Variants in MBNL2 observed in about 807,000 individuals in gnomAD.
The protein encoded by MBNL2 is muscleblind like splicing regulator 2, also known as muscleblind-like protein 2.
In MBNL2, 17 loss-of-function variants were observed where a neutral mutation model predicts 41.9. That is an observed-to-expected ratio of 0.41 (90% CI 0.28 to 0.61). The LOEUF (loss-of-function observed/expected upper bound fraction) is 0.61, where lower values mean the gene tolerates loss of function less well. Among genes scored for constraint, MBNL2 ranks in the 20% least tolerant of loss-of-function variants. The pLI, the probability that MBNL2 is intolerant of heterozygous loss-of-function variation, is 0.35. For synonymous variants in MBNL2, 195 were observed against 182.9 expected (o/e 1.07, Z -0.53); for missense variants, 336 against 505.6 (o/e 0.66, Z 3.22).
At chr13:97,152,750 G>A in the MBNL2 span, among the ~76,000 whole-genome samples, 1 of 152,068 alleles carries the variant, frequency 6.6e-6, no homozygotes, top group African/African-American at 2.4e-5. Context: ...AATTTTTCTT[G>A]CACCTTTCTT....
At chr13:97,390,362 G>A (rs1272655366) in intron 8 of MBNL2, among the ~76,000 whole-genome samples, 3 of 152,152 alleles carry the variant, frequency 2.0e-5, no homozygotes, top group Non-Finnish European at 2.9e-5. Context: ...CTTTTGTTGG[G>A]AATTGAATCC....
the MBNL2 span, among the ~76,000 whole-genome samples, chr13:97,144,485 A>G: frequency 7.4e-6 from 1 of 135,970 alleles, no homozygotes; most frequent in Non-Finnish European, 1.5e-5. Context: ...GCTGGAGTGC[A>G]ATTGTGTAAT....
the MBNL2 span, among the ~76,000 whole-genome samples, chr13:97,150,989 A>T: frequency 2.6e-4 from 40 of 152,296 alleles, 1 homozygote; most frequent in East Asian, 7.7e-3. Flanking sequence ...TTTCAAGGTC[A>T]ATCTTGAAAC....
intron 8 of MBNL2, among the ~76,000 whole-genome samples, chr13:97,383,841 C>T (rs2065698576): frequency 6.6e-6 from 1 of 152,070 alleles, no homozygotes; most frequent in Non-Finnish European, 1.5e-5. Context: ...AATAATGAAT[C>T]AGACTATTTT....
chr13:97,347,086 C>A lies in MBNL2; in HGVS notation c.804+19C>A. On this transcript the variant is annotated intron_variant, in intron 5 of 8. Transcript: ENST00000679496. ...AGTCATGGTAAGTGCGGCCGCCCGC[C>A]GCCCCTGCACCCCGGCGCCTCTGCG... 1.3e-6 allele frequency: 2 copies of A among 1,514,942 alleles called. No individual in the cohort carries two copies. Among genetic ancestry groups the A allele is most frequent in the Non-Finnish European group, 1.8e-6 (2 of 1,133,792 alleles). 93.8% of individuals were successfully genotyped at this position (1,514,942 alleles called of 1,614,324 possible). A position where few individuals can be genotyped will look rare whatever the true frequency, so the allele number is the denominator to read the frequency against.
the MBNL2 span, among the ~76,000 whole-genome samples, chr13:97,194,836 C>G: frequency 1.3e-5 from 2 of 152,150 alleles, no homozygotes; most frequent in East Asian, 1.9e-4. Context: ...CATGGCAATG[C>G]CCGGAAGTTA....
At chr13:97,338,060 T>G (rs1165175199) in intron 3 of MBNL2, among the ~76,000 whole-genome samples, 1 of 152,218 alleles carries the variant, frequency 6.6e-6, no homozygotes. Context: ...ACCAGAGGAA[T>G]CTTTTTAAAA....
At chr13:97,200,927 T>C in the MBNL2 span, among the ~76,000 whole-genome samples, 1 of 152,168 alleles carries the variant, frequency 6.6e-6, no homozygotes, top group Admixed American at 6.5e-5. Flanking sequence ...ATGACTTATT[T>C]CCTTTAAAAC....
intron 8 of MBNL2, among the ~76,000 whole-genome samples, chr13:97,383,082 T>C (rs1019880144): frequency 2.0e-5 from 3 of 152,182 alleles, no homozygotes; most frequent in African/African-American, 7.2e-5. Flanking sequence ...ATTTATATCA[T>C]ATAGGAGAAG....
intron 2 of MBNL2, among the ~76,000 whole-genome samples, chr13:97,324,933 C>T (rs527868517): frequency 4.7e-4 from 72 of 152,234 alleles, no homozygotes; most frequent in African/African-American, 1.6e-3. Context: ...TGCTGGCAGC[C>T]GATTAGATGG....
At chr13:97,348,096 T>TTTTA (rs1209408137) in intron 5 of MBNL2, among the ~76,000 whole-genome samples, 4 of 137,472 alleles carry the variant, frequency 2.9e-5, no homozygotes, top group African/African-American at 8.9e-5. Flanking sequence ...TTTTTTTTTT[T>TTTTA]AAGACAAGGT....
At chr13:97,314,303 T>A (rs2058852986) in intron 2 of MBNL2, among the ~76,000 whole-genome samples, 1 of 151,972 alleles carries the variant, frequency 6.6e-6, no homozygotes, top group African/African-American at 2.4e-5. Flanking sequence ...CCCTTTGAGA[T>A]CTTCTTTGTT....
At chr13:97,144,421 TTC>T in the MBNL2 span, among the ~76,000 whole-genome samples, 1 of 95,224 alleles carries the variant, frequency 1.1e-5, no homozygotes, top group African/African-American at 3.7e-5. Context: ...GACATGATAC[TTC>T]TTTTTTTTTT....
chr13:97,378,207 C>A (rs979987180), intron 8 of MBNL2, among the ~76,000 whole-genome samples: 1 of 152,148 alleles, frequency 6.6e-6, no homozygotes, highest in Non-Finnish European at 1.5e-5. Flanking sequence ...TGTAATAACA[C>A]TGGCATTTAT....
intron 8 of MBNL2, among the ~76,000 whole-genome samples, chr13:97,384,289 ATTAC>A (rs2065749149): frequency 6.6e-6 from 1 of 152,344 alleles, no homozygotes; most frequent in Admixed American, 6.5e-5. Flanking sequence ...AATTGCTTTA[ATTAC>A]TTTTTTATCT....
At chr13:97,283,797 T>C (rs1172342194) in intron 2 of MBNL2, among the ~76,000 whole-genome samples, 3 of 152,144 alleles carry the variant, frequency 2.0e-5, no homozygotes, top group African/African-American at 7.2e-5. Context: ...ATACCCAAGA[T>C]ATTCTGTGCT....
At chr13:97,278,977 CA>C (rs1312148224) in intron 2 of MBNL2, among the ~76,000 whole-genome samples, 1 of 152,154 alleles carries the variant, frequency 6.6e-6, no homozygotes, top group Non-Finnish European at 1.5e-5. Context: ...GGAGGATATT[CA>C]GCAGAGAAAT....
At chr13:97,216,360 C>T in the MBNL2 span, among the ~76,000 whole-genome samples, 1 of 152,090 alleles carries the variant, frequency 6.6e-6, no homozygotes, top group South Asian at 2.1e-4. Context: ...GGTCTGTACC[C>T]TCAGGGGGCT....
At chr13:97,343,888 C>A (rs1359020512) in intron 4 of MBNL2, among the ~76,000 whole-genome samples, 1 of 152,228 alleles carries the variant, frequency 6.6e-6, no homozygotes, top group African/African-American at 2.4e-5. Context: ...CTCACCACAA[C>A]CTCCTCTGCC....
Sources: allele counts gnomAD v4.1 joint callset (sites outside exome capture counted in the v4.1 genomes callset), GRCh38; gene constraint gnomAD v4.1.1; transcripts MANE v1.5; gene names NCBI Gene and HGNC (gene_info 2026-07-23, HGNC 2026-07-21).